RNF152: variants seen among roughly 807,000 people sequenced by gnomAD.
RNF152 encodes the protein E3 ubiquitin-protein ligase RNF152.
Under a neutral mutation model 12.7 loss-of-function variants are expected in RNF152, and 11 were observed. That is an observed-to-expected ratio of 0.86 (90% CI 0.54 to 1.43). The LOEUF (loss-of-function observed/expected upper bound fraction) is 1.43. RNF152 is among the 40% of genes most tolerant of loss of function. The pLI, the probability that RNF152 is intolerant of heterozygous loss-of-function variation, is 0.00. For synonymous variants in RNF152, 113 were observed against 120.3 expected, an observed-to-expected ratio of 0.94 and a Z score of 0.40; for missense variants, 255 against 274.8, an observed-to-expected ratio of 0.93 and a Z score of 0.51.
chr18:61,842,977 T>C (rs948089193), intron 1 of RNF152, among the ~76,000 whole-genome samples: 2 of 152,192 alleles, frequency 1.3e-5, no homozygotes, highest in Admixed American at 6.5e-5. Flanking sequence ...CCAAACCATA[T>C]CACCCTGTTT....
chr18:61,852,010 C>T (rs1020655579), intron 1 of RNF152, among the ~76,000 whole-genome samples: 6 of 152,136 alleles, frequency 3.9e-5, no homozygotes. Context: ...AATGACGTCA[C>T]CTACTGTCAA....
At position 61,811,496 on chromosome 18, in the gene RNF152, A is replaced by C. The variant is rs1303868592; in HGVS notation, c.*4356T>G. ...GGGATAACTGAAATTTTTGCTTAAAAAAGAAAGACACTAAAACAATGTCAA... is the reference window on the plus strand; with the variant it reads ...GGGATAACTGAAATTTTTGCTTAAACAAGAAAGACACTAAAACAATGTCAA... On this transcript the variant is annotated 3_prime_UTR_variant, in exon 2 of 2. Coordinates refer to ENST00000312828, the MANE Select transcript of RNF152 (RefSeq NM_173557.3). The C allele has an allele frequency of 6.6e-6, 1 of 152,260 alleles. No individual in the cohort carries two copies. The highest frequency in any genetic ancestry group is 1.5e-5 in the Non-Finnish European group (1 of 68,046). 9.4% of individuals were successfully genotyped at this position (152,260 alleles called of 1,614,324 possible). A position where few individuals can be genotyped will look rare whatever the true frequency, so the allele number is the denominator to read the frequency against.
Position 61,812,562 on chromosome 18 carries a change from G to A in RNF152, c.*3290C>T, listed in dbSNP as rs1403246629. ...TATACAAAATTTTTCCAAAGACAAT[G>A]CTTCTTAGTAGCATTCTTGGCTCTA... On this transcript the variant is annotated 3_prime_UTR_variant, in exon 2 of 2. Transcript: ENST00000312828. The A allele has an allele frequency of 6.6e-6, 1 of 152,128 alleles. No individual in the cohort carries two copies. The highest frequency in any genetic ancestry group is 1.5e-5 in the Non-Finnish European group (1 of 68,014). 9.4% of individuals were successfully genotyped at this position (152,128 alleles called of 1,614,324 possible). A position where few individuals can be genotyped will look rare whatever the true frequency, so the allele number is the denominator to read the frequency against.
intron 1 of RNF152, among the ~76,000 whole-genome samples, chr18:61,860,549 G>A (rs569077529): frequency 1.6e-4 from 25 of 152,276 alleles, no homozygotes; most frequent in East Asian, 3.9e-4. Flanking sequence ...CCATGCTGCC[G>A]GTTGCATAAG....
intron 1 of RNF152, among the ~76,000 whole-genome samples, chr18:61,827,588 G>C (rs1568266451): frequency 2.0e-5 from 3 of 148,318 alleles, no homozygotes; most frequent in African/African-American, 7.5e-5. Flanking sequence ...AAGGCCAGTG[G>C]GTTTTATAGA....
At chr18:61,839,822 G>A (rs1447155234) in intron 1 of RNF152, among the ~76,000 whole-genome samples, 1 of 152,190 alleles carries the variant, frequency 6.6e-6, no homozygotes, top group African/African-American at 2.4e-5. Context: ...ATGAACCCGG[G>A]AGGCAGAGCT....
At chr18:61,832,857 T>C (rs1220864150) in intron 1 of RNF152, among the ~76,000 whole-genome samples, 1 of 152,232 alleles carries the variant, frequency 6.6e-6, no homozygotes, top group Non-Finnish European at 1.5e-5. Context: ...TGACAATACA[T>C]CTTGCCAGTT....
At chr18:61,825,394 A>C (rs903283087) in intron 1 of RNF152, among the ~76,000 whole-genome samples, 1 of 152,242 alleles carries the variant, frequency 6.6e-6, no homozygotes, top group Non-Finnish European at 1.5e-5. Context: ...AGAGCCAGAA[A>C]GGACATTTGG....
rs540142856 is a variant in RNF152 at position 61,849,440 on chromosome 18, C to T, written c.-135-32842G>A. ...GTGGCCAATCCCTGAGCAATTACAA[C>T]GAATAACTACAAAGCTTTAGGTGTC... On this transcript the variant is annotated intron_variant, in intron 1 of 1. Transcript: ENST00000312828. Among the ~76,000 whole-genome samples, 9 of 152,250 alleles carry T rather than the reference C, an allele frequency of 5.9e-5. No individual in the cohort carries two copies. In the South Asian group the frequency reaches 6.2e-4, roughly 11 times the overall value.
chr18:61,858,739 T>A lies in RNF152; in HGVS notation c.-136+34056A>T, dbSNP rs574163086. On this transcript the variant is annotated intron_variant, in intron 1 of 1. Coordinates refer to ENST00000312828, the MANE Select transcript of RNF152 (RefSeq NM_173557.3). ...AGCTGGAGAGTGGCCATCCCCATCA[T>A]CACCCCTGGCTATTTACTTGAGGTC... 4.6e-5 allele frequency among the ~76,000 whole-genome samples: 7 copies of A among 152,288 alleles called. No homozygotes were observed. In the East Asian group the frequency reaches 1.3e-3, roughly 29 times the overall value.
At chr18:61,880,706 T>C (rs556752847) in intron 1 of RNF152, among the ~76,000 whole-genome samples, 1 of 152,348 alleles carries the variant, frequency 6.6e-6, no homozygotes, top group African/African-American at 2.4e-5. Flanking sequence ...TGTCATTTTG[T>C]AAAACATTAT....
At chr18:61,831,695 C>T (rs922395052) in intron 1 of RNF152, among the ~76,000 whole-genome samples, 1 of 151,952 alleles carries the variant, frequency 6.6e-6, no homozygotes, top group African/African-American at 2.4e-5. Flanking sequence ...AACAAACAAA[C>T]AAACAAAAAC....
At chr18:61,873,969 C>CCT (rs1347749939) in intron 1 of RNF152, among the ~76,000 whole-genome samples, 1 of 152,180 alleles carries the variant, frequency 6.6e-6, no homozygotes, top group East Asian at 1.9e-4. Context: ...CCCCTTGCAT[C>CCT]CTCTAAAGTA....
intron 1 of RNF152, among the ~76,000 whole-genome samples, chr18:61,862,330 G>C (rs147700225): frequency 6.6e-6 from 1 of 152,162 alleles, no homozygotes. Flanking sequence ...TTTCACACAC[G>C]AGGAAACTAA....
chr18:61,875,944 C>A lies in RNF152; in HGVS notation c.-136+16851G>T, dbSNP rs542682543. On this transcript the variant is annotated intron_variant, in intron 1 of 1. Coordinates refer to ENST00000312828, the MANE Select transcript of RNF152 (RefSeq NM_173557.3). ...GCTTCTAAAAACACAGCTTTATGAC[C>A]ACATCCTCCTCCAGTCCCCAAACCA... is the stretch of plus-strand genomic sequence containing the variant. Among the ~76,000 whole-genome samples the A allele has an allele frequency of 2.4e-3, 361 of 152,178 alleles. 2 individuals carry two copies. Among genetic ancestry groups the A allele is most frequent in the African/African-American group, 8.1e-3 (335 of 41,504 alleles).
At chr18:61,876,750 C>T (rs1344624199) in intron 1 of RNF152, among the ~76,000 whole-genome samples, 2 of 152,190 alleles carry the variant, frequency 1.3e-5, no homozygotes, top group Non-Finnish European at 2.9e-5. Context: ...GTCTACTCTA[C>T]CCCGTAGGAT....
At chr18:61,850,364 C>G (rs897960832) in intron 1 of RNF152, among the ~76,000 whole-genome samples, 2 of 152,164 alleles carry the variant, frequency 1.3e-5, no homozygotes, top group Non-Finnish European at 1.5e-5. Flanking sequence ...CTATTACAGT[C>G]CTCTCATTTT....
chr18:61,820,675 G>A (rs191692230), intron 1 of RNF152, among the ~76,000 whole-genome samples: 3 of 152,176 alleles, frequency 2.0e-5, no homozygotes, highest in Admixed American at 2.0e-4. Context: ...AATTGCAAAT[G>A]AGGCTGGGGA....
chr18:61,880,329 G>A (rs988858949), intron 1 of RNF152, among the ~76,000 whole-genome samples: 2 of 152,084 alleles, frequency 1.3e-5, no homozygotes, highest in Admixed American at 6.5e-5. Flanking sequence ...CCTAAATTAC[G>A]TTACACTGAA....
Sources: gnomAD v4.1 joint callset for allele counts (sites outside exome capture counted in the v4.1 genomes callset) on GRCh38, gnomAD v4.1.1 for gene constraint, MANE v1.5 for transcripts, NCBI Gene and HGNC (gene_info 2026-07-23, HGNC 2026-07-21) for gene names.